Variants in SCLT1 observed in about 807,000 individuals in gnomAD.
The protein encoded by SCLT1 is sodium channel and clathrin linker 1, also known as sodium channel-associated protein 1.
SCLT1 carries 78 observed loss-of-function variants against 112.8 expected under a neutral mutation model. That is an observed-to-expected ratio of 0.69 (90% CI 0.58 to 0.83). The LOEUF (loss-of-function observed/expected upper bound fraction) is 0.83, where lower values mean the gene tolerates loss of function less well. Ranked by LOEUF, SCLT1 falls within the 40% of genes least tolerant of loss-of-function variation. The probability of loss-of-function intolerance (pLI) is 0.00; values close to 1 mark genes in which losing one functional copy is unlikely to be tolerated. For synonymous variants in SCLT1, 257 were observed against 254.7 expected (o/e 1.01, Z -0.09); for missense variants, 747 against 770.4 (o/e 0.97, Z 0.36).
intron 5 of SCLT1, among the ~76,000 whole-genome samples, chr4:129,026,977 T>C (rs893146307): frequency 1.3e-5 from 2 of 152,160 alleles, no homozygotes; most frequent in African/African-American, 4.8e-5. Context: ...CCTCGACACA[T>C]ACACCCTCCC....
chr4:129,025,500 G>A (rs1285463820), intron 5 of SCLT1, among the ~76,000 whole-genome samples: 2 of 152,150 alleles, frequency 1.3e-5, no homozygotes, highest in Admixed American at 6.5e-5. Context: ...AGCAAATGCT[G>A]AGAGATTTTG....
chr4:128,896,016 G>C (rs1336007524), intron 18 of SCLT1, among the ~76,000 whole-genome samples: 1 of 152,242 alleles, frequency 6.6e-6, no homozygotes, highest in Non-Finnish European at 1.5e-5. Flanking sequence ...GCCAAAGCTT[G>C]AGTAGGTAAA....
intron 9 of SCLT1, among the ~76,000 whole-genome samples, chr4:128,973,031 C>T (rs575061920): frequency 3.9e-5 from 6 of 152,230 alleles, no homozygotes; most frequent in Admixed American, 1.3e-4. Context: ...AGTACTCACT[C>T]GCTGTTTTCT....
At chr4:129,012,004 T>C (rs1468530471) in intron 5 of SCLT1, among the ~76,000 whole-genome samples, 2 of 151,996 alleles carry the variant, frequency 1.3e-5, no homozygotes, top group Admixed American at 1.3e-4. Flanking sequence ...TTTGATCTTC[T>C]GGATGTTTTT....
At chr4:129,002,807 G>GA (rs1172507893) in intron 6 of SCLT1, among the ~76,000 whole-genome samples, 8 of 152,294 alleles carry the variant, frequency 5.3e-5, no homozygotes, top group Admixed American at 3.3e-4. Flanking sequence ...AGGACGTGGA[G>GA]AAATAGGAAC....
At chr4:129,075,215 G>A (rs1289393529) in intron 2 of SCLT1, among the ~76,000 whole-genome samples, 2 of 152,124 alleles carry the variant, frequency 1.3e-5, no homozygotes, top group Non-Finnish European at 1.5e-5. Flanking sequence ...TACCAAATAT[G>A]TAAATTGCAT....
In SCLT1 at chr4:128,884,389, T is replaced by C; in HGVS notation, c.*88A>G. ...GCGAAATAACACAAGCCTTAACTATTATACTTTGCAGGCTTTACCATTTCA... is the reference window on the plus strand; with the variant it reads ...GCGAAATAACACAAGCCTTAACTATCATACTTTGCAGGCTTTACCATTTCA... On this transcript the variant is annotated 3_prime_UTR_variant, in exon 21 of 21. Transcript: ENST00000281142. The C allele has an allele frequency of 1.3e-6, 1 of 791,586 alleles. No individual in the cohort carries two copies. The highest frequency in any genetic ancestry group is 2.2e-6 in the Non-Finnish European group (1 of 459,678). The allele number at this position is 791,586 out of a possible 1,614,324, so 49.0% of individuals were successfully genotyped here. A position where few individuals can be genotyped will look rare whatever the true frequency, so the allele number is the denominator to read the frequency against.
At chr4:128,902,666 C>G (rs550197639) in intron 18 of SCLT1, among the ~76,000 whole-genome samples, 1 of 152,294 alleles carries the variant, frequency 6.6e-6, no homozygotes, top group African/African-American at 2.4e-5. Flanking sequence ...TTACTTTACA[C>G]TTCTGTAGAC....
intron 9 of SCLT1, among the ~76,000 whole-genome samples, chr4:128,987,982 A>T (rs1412121586): frequency 3.3e-5 from 5 of 152,136 alleles, no homozygotes; most frequent in Non-Finnish European, 5.9e-5. Context: ...TCTTTCAAAC[A>T]TAGAGGAGAA....
chr4:128,879,705 A>G (rs895295886), downstream of SCLT1, among the ~76,000 whole-genome samples: 13 of 152,222 alleles, frequency 8.5e-5, no homozygotes, highest in African/African-American at 3.1e-4. Context: ...ATTAATACAC[A>G]TAAGCATGTT....
intron 1 of SCLT1, among the ~76,000 whole-genome samples, chr4:129,090,125 CT>C (rs1752709824): frequency 6.6e-6 from 1 of 152,092 alleles, no homozygotes; most frequent in Non-Finnish European, 1.5e-5. Context: ...AGGCATAAAT[CT>C]AACAAAAGAT....
intron 4 of SCLT1, among the ~76,000 whole-genome samples, chr4:128,875,626 T>C (rs934655445): frequency 6.6e-6 from 1 of 152,216 alleles, no homozygotes. Context: ...AACATCTTAG[T>C]AACTTAGATA....
chr4:128,891,162 T>C, intron 18 of SCLT1, 25 bp from the exon 19 acceptor site: 1 of 1,529,736 alleles, frequency 6.5e-7, no homozygotes. Flanking sequence ...AAAAAATCCA[T>C]TAATATAATT....
intron 18 of SCLT1, among the ~76,000 whole-genome samples, chr4:128,914,782 T>C (rs1560834545): frequency 6.6e-6 from 1 of 152,196 alleles, no homozygotes; most frequent in South Asian, 2.1e-4. Context: ...TTGGAAACTA[T>C]AGTTTCTTCT....
intron 4 of SCLT1, among the ~76,000 whole-genome samples, chr4:129,040,524 T>G (rs552631856): frequency 4.6e-5 from 7 of 152,344 alleles, no homozygotes; most frequent in African/African-American, 1.7e-4. Context: ...GAATATTTAT[T>G]ACTCTTAAAT....
intron 18 of SCLT1, among the ~76,000 whole-genome samples, chr4:128,904,201 T>C (rs1226769909): frequency 6.6e-6 from 1 of 152,184 alleles, no homozygotes; most frequent in Non-Finnish European, 1.5e-5. Flanking sequence ...GTGTAATTAC[T>C]ATCTTCCACT....
At chr4:128,971,918 G>A (rs537361768) in intron 9 of SCLT1, 1 of 152,400 alleles carries the variant, frequency 6.6e-6, no homozygotes, top group South Asian at 2.1e-4. Context: ...AGCTACTTGG[G>A]AGGCTGAGGC....
chr4:128,937,587 A>G (rs1737322249), intron 17 of SCLT1, among the ~76,000 whole-genome samples: 1 of 152,236 alleles, frequency 6.6e-6, no homozygotes, highest in Admixed American at 6.5e-5. Flanking sequence ...AACTCTTTCA[A>G]AGGGCTTTGT....
intron 18 of SCLT1, among the ~76,000 whole-genome samples, chr4:128,899,017 T>A (rs540818647): frequency 6.6e-6 from 1 of 152,090 alleles, no homozygotes; most frequent in African/African-American, 2.4e-5. Flanking sequence ...GGCTCTGAAA[T>A]TGAGGCAATA....
Sources: gnomAD v4.1 joint callset for allele counts (sites outside exome capture counted in the v4.1 genomes callset) on GRCh38, gnomAD v4.1.1 for gene constraint, MANE v1.5 for transcripts, NCBI Gene and HGNC (gene_info 2026-07-23, HGNC 2026-07-21) for gene names.